The following JCAD variants were observed in gnomAD, a reference collection of about 807,000 sequenced individuals.
JCAD encodes junctional cadherin 5 associated, also known as junctional cadherin 5-associated protein.
A neutral mutation model predicts 98.0 loss-of-function variants in JCAD; 40 were observed. That is an observed-to-expected ratio of 0.41 (90% CI 0.32 to 0.53). JCAD has a LOEUF of 0.53. Ranked by LOEUF, JCAD falls within the 20% of genes least tolerant of loss-of-function variation. The pLI is 0.31. For missense variants in JCAD, 1,705 were observed against 1,738.1 expected, an observed-to-expected ratio of 0.98 and a Z score of 0.34; for synonymous variants, 691 against 682.3, an observed-to-expected ratio of 1.01 and a Z score of -0.20.
chr10:30,088,779 C>T (rs1286819141), intron 1 of JCAD, among the ~76,000 whole-genome samples: 1 of 151,982 alleles, frequency 6.6e-6, no homozygotes, highest in East Asian at 1.9e-4. Context: ...ACCAGCCTGG[C>T]CAACATTGTG....
chr10:30,052,311 C>T (rs1837487451), intron 1 of JCAD, among the ~76,000 whole-genome samples: 1 of 152,210 alleles, frequency 6.6e-6, no homozygotes, highest in Non-Finnish European at 1.5e-5. Context: ...CAGTCTTCTC[C>T]TGAAGGAGTA....
At chr10:30,078,529 G>A (rs768659345) in intron 1 of JCAD, among the ~76,000 whole-genome samples, 1 of 152,126 alleles carries the variant, frequency 6.6e-6, no homozygotes, top group African/African-American at 2.4e-5. Flanking sequence ...TGGCTGAATG[G>A]CTGGACAAAA....
At chr10:30,103,521 G>A (rs1445513447) in intron 1 of JCAD, among the ~76,000 whole-genome samples, 1 of 151,998 alleles carries the variant, frequency 6.6e-6, no homozygotes, top group African/African-American at 2.4e-5. Context: ...TAAAATAAAT[G>A]TTAAATGTTA....
chr10:30,027,593 C>T lies in JCAD; in HGVS notation c.2555G>A (p.Ser852Asn), dbSNP rs1248497444. 1.9e-6 allele frequency: 3 copies of T among 1,614,242 alleles called. No individual in the cohort carries two copies. The highest frequency in any genetic ancestry group is 1.7e-5 in the Admixed American group (1 of 60,034). The part of the protein sequence containing the change: ...LQEEEESSSS[S>N]SSSSSSSEES... ...CTCACTGCTGCTGCTGCTGCTGCTG[C>T]TGCTACTGCTGCTTTCTTCCTCTTC... The change falls in exon 3 of 4, where the codon AGC (serine) becomes AAC (asparagine). Residue 852 changes from serine (S) to asparagine (N), a missense_variant. Coordinates refer to ENST00000375377, the MANE Select transcript of JCAD (RefSeq NM_020848.4).
chr10:30,097,184 A>G (rs1392951608), intron 1 of JCAD, among the ~76,000 whole-genome samples: 1 of 152,236 alleles, frequency 6.6e-6, no homozygotes, highest in African/African-American at 2.4e-5. Flanking sequence ...ACGTGCAGCT[A>G]GCATAACTAA....
rs137898454 is a variant in JCAD at position 30,082,755 on chromosome 10, G to A, written n.129-12934C>T. On this transcript the variant is annotated intron_variant and non_coding_transcript_variant, in intron 1 of 2. Coordinates refer to the JCAD transcript ENST00000465712. ...AATCCCAGCTACTTCGGAAGCTGAG[G>A]CAGGAGAATTGCTTGAACCTGGGAT... Among the ~76,000 whole-genome samples the A allele has an allele frequency of 1.1e-4, 17 of 150,704 alleles. No homozygotes were observed. The East Asian group carries it at 2.7e-3, about 24-fold the overall frequency.
At position 30,108,840 on chromosome 10, in the gene JCAD, G is replaced by A. The variant is rs150489709; in HGVS notation, n.128+6527C>T. On this transcript the variant is annotated intron_variant and non_coding_transcript_variant, in intron 1 of 2. Transcript: ENST00000465712. ...TGTGAAATATAAGGGCCCCTTCTAC[G>A]TGCTCAAGATTAAAAAAAAAAAAAA... 7.1e-3 allele frequency among the ~76,000 whole-genome samples: 1,061 copies of A among 150,318 alleles called. 4 individuals are homozygous for A. The highest frequency in any genetic ancestry group is 0.011 in the Admixed American group (167 of 15,074).
intron 1 of JCAD, among the ~76,000 whole-genome samples, chr10:30,112,577 T>C (rs1195319630): frequency 6.6e-6 from 1 of 152,082 alleles, no homozygotes; most frequent in East Asian, 1.9e-4. Flanking sequence ...ATTTCATTTA[T>C]ATGAAATATC....
At chr10:30,050,558 A>C (rs1292608602) in intron 1 of JCAD, among the ~76,000 whole-genome samples, 1 of 152,156 alleles carries the variant, frequency 6.6e-6, no homozygotes, top group Non-Finnish European at 1.5e-5. Flanking sequence ...GAATACACTA[A>C]GGAACAGGCA....
At chr10:30,050,422 C>T (rs751392923) in intron 1 of JCAD, among the ~76,000 whole-genome samples, 30 of 149,914 alleles carry the variant, frequency 2.0e-4, no homozygotes, top group Non-Finnish European at 4.1e-4. Flanking sequence ...ACTGGTTCAA[C>T]ATCACACACA....
intron 1 of JCAD, among the ~76,000 whole-genome samples, chr10:30,106,249 C>A (rs1343716455): frequency 6.6e-6 from 1 of 151,818 alleles, no homozygotes; most frequent in Non-Finnish European, 1.5e-5. Flanking sequence ...ACAGCAAGAC[C>A]CCATCTCTAC....
chr10:30,027,470 T>G lies in JCAD; in HGVS notation c.2678A>C (p.Gln893Pro). 1 of 1,606,180 alleles carries G rather than the reference T, an allele frequency of 6.2e-7. No homozygotes were observed. Among genetic ancestry groups the G allele is most frequent in the South Asian group, 1.1e-5 (1 of 91,066 alleles). Residue 893 changes from glutamine (Q) to proline (P), a missense_variant, in exon 3 of 4, where the codon CAG becomes CCG. Around this residue, in one of 3 missense-constraint regions of JCAD, gnomAD observed 1,278 missense variants for 1,243.1 expected, o/e 1.03. Transcript: ENST00000375377. The part of the protein sequence containing the change: ...GNSPEMRVEP[Q>P]PRMWVPESPV... Reference sequence around the variant, plus strand: ...GCTCTCCGGCACCCACATCCTCGGCTGTGGCTCAACCCTCATTTCCGGGCT... The same window carrying G: ...GCTCTCCGGCACCCACATCCTCGGCGGTGGCTCAACCCTCATTTCCGGGCT...
Position 30,114,826 on chromosome 10 carries a change from AATAGATAG to A in JCAD, n.128+533_128+540del, listed in dbSNP as rs3074824. Among the ~76,000 whole-genome samples the A allele has an allele frequency of 5.0e-4, 75 of 150,786 alleles. 2 individuals carry two copies. The highest frequency in any genetic ancestry group is 1.9e-3 in the South Asian group (9 of 4,754). ...GTATTTCACAAAAATTTTAAAGCCGAATAGATAGATAGATAGATAGATAGATAGATGAT... is the reference window on the plus strand; with the variant it reads ...GTATTTCACAAAAATTTTAAAGCCGAATAGATAGATAGATAGATAGATGAT... On this transcript the variant is annotated intron_variant and non_coding_transcript_variant, in intron 1 of 2. Transcript: ENST00000465712.
At position 30,026,769 on chromosome 10, in the gene JCAD, C is replaced by A; in HGVS notation, c.3379G>T (p.Glu1127Ter). The stretch of plus-strand genomic sequence containing the variant: ...GCCGGTGCTGGGCGAGATAGCAACT[C>A]TTCCTGGGGGGACTCTGGGGTGCAG... Reference protein sequence around the residue: ...SACTPESPQEELLSRPAPADV... With the variant: ...SACTPESPQE Residue 1127 changes from glutamate to a stop codon, truncating the protein, a stop_gained, in exon 3 of 4, where the codon GAG becomes TAG. Transcript: ENST00000375377. LOFTEE classifies it high-confidence loss of function. The A allele has an allele frequency of 6.2e-7, 1 of 1,614,210 alleles. No homozygotes were observed. The highest frequency in any genetic ancestry group is 8.5e-7 in the Non-Finnish European group (1 of 1,180,044).
chr10:30,106,832 A>G (rs1044206248), intron 1 of JCAD, among the ~76,000 whole-genome samples: 1 of 152,180 alleles, frequency 6.6e-6, no homozygotes, highest in African/African-American at 2.4e-5. Flanking sequence ...AATGCCTTGC[A>G]AAGTGCCCAT....
intron 1 of JCAD, among the ~76,000 whole-genome samples, chr10:30,094,555 G>T (rs184556281): frequency 6.6e-6 from 1 of 152,152 alleles, no homozygotes; most frequent in Non-Finnish European, 1.5e-5. Flanking sequence ...CCCAGGTGCC[G>T]TGGGGCTGCT....
At chr10:30,053,560 AAAAAAAAAAG>A (rs1028467552) in intron 1 of JCAD, among the ~76,000 whole-genome samples, 44 of 50,030 alleles carry the variant, frequency 8.8e-4, no homozygotes, top group Admixed American at 2.9e-3. Flanking sequence ...ACTCTGTCTC[AAAAAAAAAAG>A]AAAAGAAAAG....
Position 30,047,286 on chromosome 10 carries a change from T to C in JCAD, c.281+246A>G, listed in dbSNP as rs555940373. On this transcript the variant is annotated intron_variant, in intron 2 of 3. Coordinates refer to ENST00000375377, the MANE Select transcript of JCAD (RefSeq NM_020848.4). Reference sequence around the variant, plus strand: ...ACTCAGAAGGCTGAGGCAGGAGAATTGCTTGAACCCTGGAGACGGTTGCAG... The same window carrying C: ...ACTCAGAAGGCTGAGGCAGGAGAATCGCTTGAACCCTGGAGACGGTTGCAG... Among the ~76,000 whole-genome samples the C allele has an allele frequency of 2.0e-4, 30 of 152,296 alleles. No homozygotes were observed. In the South Asian group the frequency reaches 2.5e-3, roughly 13 times the overall value.
intron 3 of JCAD, among the ~76,000 whole-genome samples, chr10:30,018,177 C>G (rs891181730): frequency 1.3e-5 from 2 of 152,202 alleles, no homozygotes; most frequent in African/African-American, 4.8e-5. Flanking sequence ...GCGGCTCCTT[C>G]CTGTTCACCG....
Sources: allele counts gnomAD v4.1 joint callset (sites outside exome capture counted in the v4.1 genomes callset), GRCh38; gene constraint gnomAD v4.1.1; regional missense constraint gnomAD v4.1.1; transcripts MANE v1.5; gene names NCBI Gene and HGNC (gene_info 2026-07-23, HGNC 2026-07-21).